Variants in GPM6A observed in about 807,000 individuals in gnomAD.
The protein encoded by GPM6A is glycoprotein M6A, also known as neuronal membrane glycoprotein M6-a.
Under a neutral mutation model 32.1 loss-of-function variants are expected in GPM6A, and 7 were observed. The ratio of observed to expected loss-of-function variants is 0.22; its 90% CI spans 0.12 to 0.41. The LOEUF (loss-of-function observed/expected upper bound fraction) is 0.41, where lower values mean the gene tolerates loss of function less well. Ranked by LOEUF, GPM6A falls within the 10% of genes least tolerant of loss-of-function variation. The pLI is 1.00. For missense variants in GPM6A, 235 were observed against 347.2 expected, an observed-to-expected ratio of 0.68 and a Z score of 2.57; for synonymous variants, 130 against 123.4, an observed-to-expected ratio of 1.05 and a Z score of -0.35.
intron 1 of GPM6A, among the ~76,000 whole-genome samples, chr4:175,775,911 T>C (rs1159598422): frequency 6.6e-6 from 1 of 152,004 alleles, no homozygotes; most frequent in Non-Finnish European, 1.5e-5. Flanking sequence ...AAAGGGGAGG[T>C]TATATTTTAT....
chr4:175,915,938 G>A lies in GPM6A; in HGVS notation c.-23+86371C>T, dbSNP rs1048443277. ...CATCCTCTGCTACTTGCGTGCACAC[G>A]GGGACTGGGTCATCCATCCATCTCC... is the stretch of plus-strand genomic sequence containing the variant. On this transcript the variant is annotated intron_variant, in intron 1 of 7. Coordinates refer to the GPM6A transcript ENST00000280187. Among the ~76,000 whole-genome samples the A allele has an allele frequency of 4.6e-5, 7 of 152,284 alleles. No individual in the cohort carries two copies. The South Asian group carries it at 6.2e-4, about 14-fold the overall frequency.
intron 1 of GPM6A, among the ~76,000 whole-genome samples, chr4:175,821,613 CT>C (rs1392153606): frequency 2.0e-5 from 3 of 151,856 alleles, no homozygotes; most frequent in East Asian, 3.9e-4. Context: ...ATGTTGAGAA[CT>C]TTTTTTCATA....
intron 1 of GPM6A, among the ~76,000 whole-genome samples, chr4:175,833,965 TGCTGTAAC>T (rs1357548583): frequency 6.6e-6 from 1 of 152,070 alleles, no homozygotes; most frequent in Non-Finnish European, 1.5e-5. Context: ...TCCAGAGAAG[TGCTGTAAC>T]GCCGTCTCTG....
At chr4:175,898,373 A>G (rs1488648153) in intron 1 of GPM6A, among the ~76,000 whole-genome samples, 1 of 152,116 alleles carries the variant, frequency 6.6e-6, no homozygotes, top group East Asian at 1.9e-4. Flanking sequence ...ACCTCTGTGA[A>G]TTCCAAGCTG....
intron 1 of GPM6A, among the ~76,000 whole-genome samples, chr4:175,970,477 G>T (rs17062308): frequency 0.11 from 16,517 of 152,226 alleles, 1,039 homozygotes; most frequent in South Asian, 0.25. Flanking sequence ...GTGTGTGTGT[G>T]TTATAACATA....
intron 2 of GPM6A, 72 bp downstream of exon 2, chr4:175,701,503 C>T: frequency 9.6e-7 from 1 of 1,038,850 alleles, no homozygotes; most frequent in Admixed American, 1.8e-5. Flanking sequence ...TAACTGTAGG[C>T]CCCTAATCAT....
intron 1 of GPM6A, among the ~76,000 whole-genome samples, chr4:175,895,888 G>T (rs1213228151): frequency 1.3e-5 from 2 of 152,054 alleles, no homozygotes; most frequent in Admixed American, 6.6e-5. Flanking sequence ...CATAAACCCT[G>T]AAATATTTGA....
chr4:175,808,992 A>G (rs1734807337), intron 1 of GPM6A, among the ~76,000 whole-genome samples: 1 of 151,896 alleles, frequency 6.6e-6, no homozygotes, highest in East Asian at 1.9e-4. Context: ...CCCTTTACTT[A>G]TTGATTCATC....
intron 1 of GPM6A, among the ~76,000 whole-genome samples, chr4:175,750,111 G>T (rs1298710842): frequency 1.9e-4 from 29 of 151,940 alleles, no homozygotes. Context: ...TAGGCTGGAG[G>T]GCAGTGTAGC....
chr4:175,931,697 C>T (rs1382522178), intron 1 of GPM6A, among the ~76,000 whole-genome samples: 1 of 146,274 alleles, frequency 6.8e-6, no homozygotes, highest in Non-Finnish European at 1.5e-5. Context: ...CACACACACA[C>T]ACACACACAC....
intron 1 of GPM6A, among the ~76,000 whole-genome samples, chr4:175,842,933 T>G (rs6839049): frequency 0.33 from 49,564 of 151,338 alleles, 8,122 homozygotes; most frequent in East Asian, 0.35. Context: ...AAATGATAAT[T>G]CCTTATTAAT....
At chr4:175,893,912 A>G (rs1274724113) in intron 1 of GPM6A, among the ~76,000 whole-genome samples, 1 of 152,220 alleles carries the variant, frequency 6.6e-6, no homozygotes, top group East Asian at 1.9e-4. Flanking sequence ...TAACAAAATG[A>G]TATAAAATAT....
chr4:175,958,545 T>C (rs1172284668), intron 1 of GPM6A, among the ~76,000 whole-genome samples: 2 of 152,232 alleles, frequency 1.3e-5, no homozygotes, highest in East Asian at 3.8e-4. Flanking sequence ...TAAAACTGTA[T>C]TCTAAACAAA....
intron 1 of GPM6A, among the ~76,000 whole-genome samples, chr4:175,945,843 C>T (rs1201841007): frequency 2.7e-5 from 4 of 150,744 alleles, no homozygotes; most frequent in Non-Finnish European, 4.4e-5. Flanking sequence ...ACGTACAACT[C>T]AGTAATACGG....
chr4:175,887,583 C>T (rs890898246), intron 1 of GPM6A, among the ~76,000 whole-genome samples: 5 of 151,150 alleles, frequency 3.3e-5, no homozygotes, highest in African/African-American at 1.2e-4. Flanking sequence ...ATCAAGAATA[C>T]GAGAAAGAAC....
At chr4:175,982,464 A>G (rs1473270577) in intron 1 of GPM6A, among the ~76,000 whole-genome samples, 1 of 152,088 alleles carries the variant, frequency 6.6e-6, no homozygotes, top group Non-Finnish European at 1.5e-5. Flanking sequence ...TTCTTTATAC[A>G]TGGTGTCTAA....
Position 175,796,297 on chromosome 4 carries a change from C to A in GPM6A, c.37+15894G>T, listed in dbSNP as rs1278659252. ...GGAAGTAAATGGCTTTTAGCATGGA[C>A]AAGGAGGCGATATAACATGATCAAT... is the stretch of plus-strand genomic sequence containing the variant. On this transcript the variant is annotated intron_variant, in intron 1 of 6. Transcript: ENST00000393658. Among the ~76,000 whole-genome samples the A allele has an allele frequency of 3.3e-5, 5 of 152,014 alleles. No individual in the cohort carries two copies. In the East Asian group the frequency reaches 9.6e-4, roughly 29 times the overall value.
intron 1 of GPM6A, among the ~76,000 whole-genome samples, chr4:175,931,707 CACATATAT>C (rs1739050333): frequency 7.0e-6 from 1 of 143,748 alleles, no homozygotes; most frequent in South Asian, 2.3e-4. Context: ...CACACACACA[CACATATAT>C]ATATATATAT....
In GPM6A at chr4:175,941,939, C is replaced by T. The variant is rs192786848; in HGVS notation, c.-23+60370G>A. On this transcript the variant is annotated intron_variant, in intron 1 of 7. Transcript: ENST00000280187. ...TCAAAGGTATTTCTGGTTCTAGATCCTAGAGGAATTGCCACACTGTCTTCC... is the reference window on the plus strand; with the variant it reads ...TCAAAGGTATTTCTGGTTCTAGATCTTAGAGGAATTGCCACACTGTCTTCC... Among the ~76,000 whole-genome samples, 16 of 152,262 alleles carry T rather than the reference C, an allele frequency of 1.1e-4. No homozygotes were observed. The East Asian group carries it at 3.1e-3, about 29-fold the overall frequency.
Sources: allele counts gnomAD v4.1 joint callset (sites outside exome capture counted in the v4.1 genomes callset), GRCh38; gene constraint gnomAD v4.1.1; transcripts MANE v1.5; gene names NCBI Gene and HGNC (gene_info 2026-07-23, HGNC 2026-07-21).